PPIL3: variants seen among roughly 807,000 people sequenced by gnomAD.
PPIL3 encodes peptidylprolyl isomerase like 3.
Under a neutral mutation model 20.9 loss-of-function variants are expected in PPIL3, and 13 were observed. The ratio of observed to expected loss-of-function variants is 0.62; its 90% confidence interval spans 0.40 to 0.99. PPIL3 has a LOEUF of 0.99. PPIL3 is among the 50% of genes least tolerant of loss of function. PPIL3 has a pLI of 0.00. For missense variants in PPIL3, 170 were observed against 195.2 expected (o/e 0.87, Z 0.77); for synonymous variants, 71 against 64.4 (o/e 1.10, Z -0.49).
chr2:200,872,008 C>T (rs982235591), intron 6 of PPIL3, among the ~76,000 whole-genome samples: 1 of 152,114 alleles, frequency 6.6e-6, no homozygotes, highest in Non-Finnish European at 1.5e-5. Context: ...ACACCTGGCC[C>T]TATAATTTAA....
chr2:200,885,297 G>T, intron 3 of PPIL3: 1 of 344,666 alleles, frequency 2.9e-6, no homozygotes, highest in Non-Finnish European at 5.1e-6. Flanking sequence ...CTTGAACCCA[G>T]GAGGCGGAGG....
At chr2:200,881,988 C>T (rs1014636171) in intron 4 of PPIL3, among the ~76,000 whole-genome samples, 2 of 152,210 alleles carry the variant, frequency 1.3e-5, no homozygotes, top group Non-Finnish European at 2.9e-5. Flanking sequence ...AAACCAAACA[C>T]CGCATATTCT....
chr2:200,877,286 T>A (rs1425299176), intron 5 of PPIL3, among the ~76,000 whole-genome samples: 1 of 152,184 alleles, frequency 6.6e-6, no homozygotes, highest in Non-Finnish European at 1.5e-5. Context: ...ACCTTCACAA[T>A]ATTTAAGGGA....
chr2:200,885,592 G>T, intron 3 of PPIL3, 106 bp downstream of exon 3: 1 of 752,482 alleles, frequency 1.3e-6, no homozygotes, highest in Non-Finnish European at 2.2e-6. Flanking sequence ...CCTAACAATG[G>T]TTTTACAGAA....
intron 5 of PPIL3, among the ~76,000 whole-genome samples, chr2:200,877,249 C>G (rs1478305268): frequency 2.0e-5 from 3 of 152,138 alleles, no homozygotes; most frequent in African/African-American, 7.2e-5. Context: ...TGTGAATCAG[C>G]ACACCCAGCC....
At position 200,873,439 on chromosome 2, in the gene PPIL3, G is replaced by C. The variant is rs377371344; in HGVS notation, c.360-1918C>G. On this transcript the variant is annotated intron_variant, in intron 6 of 6. Coordinates refer to ENST00000392283, the MANE Select transcript of PPIL3 (RefSeq NM_130906.3). ...TCTTGACCTCAAGTGATCTGCCCAC[G>C]TCAGCCTCCCAAAGTGCTGGGGTTA... Among the ~76,000 whole-genome samples, 268 of 151,008 alleles carry C rather than the reference G, an allele frequency of 1.8e-3. 2 individuals carry two copies. The highest frequency in any genetic ancestry group is 6.1e-3 in the African/African-American group (252 of 41,130).
intron 5 of PPIL3, among the ~76,000 whole-genome samples, chr2:200,879,361 C>T (rs577729333): frequency 2.6e-5 from 4 of 152,084 alleles, no homozygotes; most frequent in East Asian, 1.9e-4. Flanking sequence ...CCTCGTGATC[C>T]GCCCGCCTCG....
At chr2:200,882,301 T>C (rs2039762723) in intron 4 of PPIL3, 41 bp downstream of exon 4, 2 of 1,260,962 alleles carry the variant, frequency 1.6e-6, no homozygotes, top group African/African-American at 1.5e-5. Flanking sequence ...CTTCATACTA[T>C]ACATTCAGTT....
At chr2:200,881,036 T>A (rs1271148488) in intron 5 of PPIL3, among the ~76,000 whole-genome samples, 1 of 152,222 alleles carries the variant, frequency 6.6e-6, no homozygotes, top group African/African-American at 2.4e-5. Flanking sequence ...TGGGTACTGA[T>A]AATGGGCAAC....
intron 5 of PPIL3, among the ~76,000 whole-genome samples, chr2:200,880,260 T>TA (rs1342185045): frequency 6.6e-5 from 10 of 152,054 alleles, no homozygotes; most frequent in African/African-American, 1.9e-4. Context: ...AAAAAGGTTT[T>TA]AAAAAAAGCA....
intron 3 of PPIL3, 151 bp from the exon 4 acceptor site, chr2:200,882,586 C>A: frequency 1.6e-6 from 1 of 643,790 alleles, no homozygotes; most frequent in Non-Finnish European, 2.8e-6. Flanking sequence ...TACAACACTT[C>A]AATAGCTTCC....
At position 200,878,327 on chromosome 2, in the gene PPIL3, T is replaced by G. The variant is rs79118706; in HGVS notation, c.241-1290A>C. Among the ~76,000 whole-genome samples, 1,159 of 152,208 alleles carry G rather than the reference T, an allele frequency of 7.6e-3. 16 individuals carry two copies. Among genetic ancestry groups the G allele is most frequent in the African/African-American group, 0.027 (1,118 of 41,522 alleles). The stretch of plus-strand genomic sequence containing the variant: ...ACATATATCCATGTGCTCCTCTCCA[T>G]TTATTACCTCAGCCTCTACAAGAGG... On this transcript the variant is annotated intron_variant, in intron 5 of 6. Transcript: ENST00000392283.
At chr2:200,876,579 A>G (rs952859989) in intron 6 of PPIL3, among the ~76,000 whole-genome samples, 1 of 147,310 alleles carries the variant, frequency 6.8e-6, no homozygotes, top group Non-Finnish European at 1.5e-5. Context: ...GTGCAATGGC[A>G]TGATCACGGC....
chr2:200,873,999 AT>A (rs2039412866), intron 6 of PPIL3, among the ~76,000 whole-genome samples: 1 of 151,274 alleles, frequency 6.6e-6, no homozygotes, highest in Non-Finnish European at 1.5e-5. Flanking sequence ...AGGTCGGGAG[AT>A]TGAGACCATC....
rs2039910078 is a variant in PPIL3, at chr2:200,885,723, CAGA to C, written c.50_52del (p.Phe17del). The C allele has an allele frequency of 6.3e-7, 1 of 1,590,296 alleles. No homozygotes were observed. Among genetic ancestry groups the C allele is most frequent in the Non-Finnish European group, 8.6e-7 (1 of 1,160,698 alleles). On this transcript the variant is annotated inframe_deletion, in exon 3 of 7. Coordinates refer to ENST00000392283, the MANE Select transcript of PPIL3 (RefSeq NM_130906.3). ...CTCACATGTTTTGGGTGTCCTCTCACAGAAGACTTCAATTTTAATATCACCTAC... is the reference window on the plus strand; with the variant it reads ...CTCACATGTTTTGGGTGTCCTCTCACAGACTTCAATTTTAATATCACCTAC...
In PPIL3 at chr2:200,885,398, A is replaced by T. The variant is rs184096232; in HGVS notation, c.78+300T>A. On this transcript the variant is annotated intron_variant, in intron 3 of 6. Coordinates refer to ENST00000392283, the MANE Select transcript of PPIL3 (RefSeq NM_130906.3). ...AAAAAAATAATAATAAATAAATAAA[A>T]AAAAAGAAAGAAAAAAGTAATATAA... 1.5e-4 allele frequency: 50 copies of T among 340,238 alleles called. No homozygotes were observed. The highest frequency in any genetic ancestry group is 1.0e-3 in the East Asian group (24 of 23,496). The allele number at this position is 340,238 out of a possible 1,614,324, so 21.1% of individuals were successfully genotyped here.
chr2:200,888,558 G>A (rs2040062137), intron 1 of PPIL3: 1 of 169,452 alleles, frequency 5.9e-6, no homozygotes, highest in African/African-American at 2.5e-5. Flanking sequence ...TCGCTATGTC[G>A]CCAGGCTGGA....
intron 6 of PPIL3, among the ~76,000 whole-genome samples, chr2:200,872,260 C>A (rs182987590): frequency 1.3e-5 from 2 of 152,206 alleles, no homozygotes; most frequent in East Asian, 3.9e-4. Flanking sequence ...AACTCAGGAA[C>A]AACCAAATGG....
At chr2:200,879,489 C>T (rs1030737299) in intron 5 of PPIL3, among the ~76,000 whole-genome samples, 1 of 152,094 alleles carries the variant, frequency 6.6e-6, no homozygotes, top group East Asian at 1.9e-4. Context: ...TAAGTCCTAA[C>T]CAGCCCTACT....
Sources: allele counts gnomAD v4.1 joint callset (sites outside exome capture counted in the v4.1 genomes callset), GRCh38; gene constraint gnomAD v4.1.1; transcripts MANE v1.5; gene names NCBI Gene and HGNC (gene_info 2026-07-23, HGNC 2026-07-21).